The following CNTNAP5 variants were observed in gnomAD, a reference collection of about 807,000 sequenced individuals.
CNTNAP5 encodes the protein contactin-associated protein-like 5.
A neutral mutation model predicts 150.2 loss-of-function variants in CNTNAP5; 72 were observed. The observed-to-expected ratio is 0.48, with a 90% CI of 0.40 to 0.58. CNTNAP5 has a LOEUF of 0.58. Ranked by LOEUF, CNTNAP5 falls within the 20% of genes least tolerant of loss-of-function variation. The pLI, the probability that CNTNAP5 is intolerant of heterozygous loss-of-function variation, is 0.00. For missense variants in CNTNAP5, 1,636 were observed against 1,626.2 expected (o/e 1.01, Z -0.10); for synonymous variants, 672 against 619.8 (o/e 1.08, Z -1.25).
intron 11 of CNTNAP5, among the ~76,000 whole-genome samples, chr2:124,572,518 A>C (rs1696188828): frequency 6.6e-6 from 1 of 152,192 alleles, no homozygotes; most frequent in Admixed American, 6.5e-5. Context: ...CTGGGCATAA[A>C]GGCTGGACTT....
intron 10 of CNTNAP5, among the ~76,000 whole-genome samples, chr2:124,530,069 T>C (rs1214185719): frequency 6.6e-6 from 1 of 152,150 alleles, no homozygotes; most frequent in East Asian, 1.9e-4. Flanking sequence ...TCCAGTACTT[T>C]AGGAGGCCAA....
chr2:124,538,282 C>G (rs1333357175), intron 10 of CNTNAP5, among the ~76,000 whole-genome samples: 2 of 152,088 alleles, frequency 1.3e-5, no homozygotes, highest in Non-Finnish European at 2.9e-5. Flanking sequence ...AGTTTGAGAC[C>G]AGCCTGTCCA....
chr2:124,570,423 G>A (rs1289715379), intron 11 of CNTNAP5, among the ~76,000 whole-genome samples: 1 of 152,150 alleles, frequency 6.6e-6, no homozygotes, highest in African/African-American at 2.4e-5. Context: ...GGGACACCTG[G>A]CATAGCTAGA....
chr2:124,266,162 C>T (rs1055858189), intron 3 of CNTNAP5, among the ~76,000 whole-genome samples: 50 of 152,264 alleles, frequency 3.3e-4, no homozygotes, highest in African/African-American at 1.0e-3. Flanking sequence ...AAACCTTATA[C>T]ATGGTAAGGG....
intron 10 of CNTNAP5, among the ~76,000 whole-genome samples, chr2:124,535,497 C>G (rs1463228761): frequency 1.3e-5 from 2 of 151,890 alleles, no homozygotes; most frequent in African/African-American, 4.8e-5. Flanking sequence ...GGTGTGGTGG[C>G]TCACGCCTGT....
At chr2:124,605,135 G>A (rs773561646) in intron 11 of CNTNAP5, among the ~76,000 whole-genome samples, 23 of 152,148 alleles carry the variant, frequency 1.5e-4, no homozygotes, top group African/African-American at 3.4e-4. Context: ...CACGTGGGCC[G>A]AAGCAAAGAA....
At chr2:124,454,055 C>G (rs1306283154) in intron 6 of CNTNAP5, among the ~76,000 whole-genome samples, 1 of 152,150 alleles carries the variant, frequency 6.6e-6, no homozygotes, top group Non-Finnish European at 1.5e-5. Flanking sequence ...CATCTCAAAA[C>G]TAACATTGAA....
chr2:124,683,325 G>C (rs952206073), intron 13 of CNTNAP5, among the ~76,000 whole-genome samples: 8 of 152,026 alleles, frequency 5.3e-5, no homozygotes, highest in Non-Finnish European at 7.4e-5. Flanking sequence ...ACAAGCCAGT[G>C]GTAAGAATAT....
intron 10 of CNTNAP5, among the ~76,000 whole-genome samples, chr2:124,552,539 G>A (rs551802387): frequency 6.6e-6 from 1 of 152,156 alleles, no homozygotes; most frequent in South Asian, 2.1e-4. Flanking sequence ...TCTCTTTTTA[G>A]AGACCATTTC....
At chr2:124,784,604 G>T (rs1480655410) in intron 17 of CNTNAP5, among the ~76,000 whole-genome samples, 1 of 152,186 alleles carries the variant, frequency 6.6e-6, no homozygotes, top group Non-Finnish European at 1.5e-5. Context: ...GAATCCCAGA[G>T]AATAAATGCA....
Position 124,211,175 on chromosome 2 carries a change from G to A in CNTNAP5, c.83-10530G>A, listed in dbSNP as rs1185847390. On this transcript the variant is annotated intron_variant, in intron 1 of 23. Coordinates refer to ENST00000682447, the MANE Select transcript of CNTNAP5 (RefSeq NM_001367498.1). ...ATTCTGAACAGATGATAAAGAAAGT[G>A]CTAAAAACCGTGTGGATGGAAATAT... Among the ~76,000 whole-genome samples the A allele has an allele frequency of 2.0e-5, 3 of 152,166 alleles. No homozygotes were observed. The East Asian group carries it at 5.8e-4, about 29-fold the overall frequency.
intron 13 of CNTNAP5, among the ~76,000 whole-genome samples, chr2:124,660,943 C>CAAAAAAAAA (rs34511096): frequency 9.6e-6 from 1 of 104,164 alleles, no homozygotes; most frequent in African/African-American, 3.6e-5. Flanking sequence ...GACTGGGTCT[C>CAAAAAAAAA]AAAAAAAAAA....
chr2:124,070,131 A>G (rs1335930261), intron 1 of CNTNAP5, among the ~76,000 whole-genome samples: 5 of 152,128 alleles, frequency 3.3e-5, no homozygotes, highest in Admixed American at 1.3e-4. Context: ...ATCATGGATT[A>G]CAAGATAGTA....
intron 13 of CNTNAP5, among the ~76,000 whole-genome samples, chr2:124,706,925 A>AGGAGGAGGAGG (rs1558743318): frequency 1.6e-4 from 18 of 109,356 alleles, no homozygotes; most frequent in African/African-American, 5.5e-4. Flanking sequence ...GGAGAAGAAG[A>AGGAGGAGGAGG]AGAAGAAGAA....
At chr2:124,532,968 A>C (rs1360302922) in intron 10 of CNTNAP5, among the ~76,000 whole-genome samples, 1 of 151,964 alleles carries the variant, frequency 6.6e-6, no homozygotes, top group Non-Finnish European at 1.5e-5. Context: ...CCCTTTCCCC[A>C]ACCCCCACTG....
intron 8 of CNTNAP5, among the ~76,000 whole-genome samples, chr2:124,513,271 T>G (rs1694635223): frequency 6.6e-6 from 1 of 152,202 alleles, no homozygotes; most frequent in African/African-American, 2.4e-5. Context: ...CATGTCTGTG[T>G]TCAAATAGCT....
chr2:124,561,177 C>A (rs968606511), intron 10 of CNTNAP5, among the ~76,000 whole-genome samples: 12 of 151,998 alleles, frequency 7.9e-5, no homozygotes, highest in African/African-American at 2.7e-4. Flanking sequence ...AAAAACTGGG[C>A]AGCTTCAGAA....
intron 4 of CNTNAP5, among the ~76,000 whole-genome samples, chr2:124,430,590 T>A (rs1462861665): frequency 1.3e-5 from 2 of 152,130 alleles, no homozygotes; most frequent in Admixed American, 1.3e-4. Context: ...TGAAATTAAT[T>A]ATCAGGGCAA....
intron 6 of CNTNAP5, among the ~76,000 whole-genome samples, chr2:124,459,107 C>T (rs1328827715): frequency 6.6e-6 from 1 of 152,138 alleles, no homozygotes; most frequent in Non-Finnish European, 1.5e-5. Context: ...AGGTATAATA[C>T]AAGATTTGAA....
Sources: gnomAD v4.1 joint callset for allele counts (sites outside exome capture counted in the v4.1 genomes callset) on GRCh38, gnomAD v4.1.1 for gene constraint, MANE v1.5 for transcripts, NCBI Gene and HGNC (gene_info 2026-07-23, HGNC 2026-07-21) for gene names.